The following STXBP5L variants were observed in gnomAD, a reference collection of about 807,000 sequenced individuals.
STXBP5L encodes the protein syntaxin binding protein 5L.
A neutral mutation model predicts 144.5 loss-of-function variants in STXBP5L; 65 were observed. The ratio of observed to expected loss-of-function variants is 0.45; its 90% CI spans 0.37 to 0.55. The LOEUF is 0.55. STXBP5L is among the 20% of genes least tolerant of loss of function. STXBP5L has a pLI of 0.00. For missense variants in STXBP5L, 1,298 were observed against 1,405.5 expected (o/e 0.92, Z 1.22); for synonymous variants, 505 against 469.6 (o/e 1.08, Z -0.97).
At chr3:121,140,938 TATA>T (rs1172096038) in intron 7 of STXBP5L, among the ~76,000 whole-genome samples, 3 of 152,210 alleles carry the variant, frequency 2.0e-5, no homozygotes, top group South Asian at 2.1e-4. Context: ...TGCTTTTAAC[TATA>T]ATAAGTTTAA....
chr3:121,266,215 T>C (rs1177459225), intron 18 of STXBP5L, among the ~76,000 whole-genome samples: 2 of 152,172 alleles, frequency 1.3e-5, no homozygotes, highest in Admixed American at 6.6e-5. Flanking sequence ...TGAACATCGA[T>C]GCGAAAATCC....
chr3:121,095,042 A>G (rs575423514), intron 5 of STXBP5L, among the ~76,000 whole-genome samples: 5 of 152,162 alleles, frequency 3.3e-5, no homozygotes, highest in Non-Finnish European at 5.9e-5. Flanking sequence ...AGCCTCACTT[A>G]TGAAGCTTAG....
chr3:120,958,909 A>G (rs1450544984), intron 3 of STXBP5L, among the ~76,000 whole-genome samples: 6 of 152,182 alleles, frequency 3.9e-5, no homozygotes, highest in South Asian at 2.1e-4. Context: ...GGCCAGGGCA[A>G]TTAGGCAGGA....
intron 22 of STXBP5L, among the ~76,000 whole-genome samples, chr3:121,382,939 G>C (rs1380784226): frequency 6.6e-6 from 1 of 152,084 alleles, no homozygotes; most frequent in South Asian, 2.1e-4. Flanking sequence ...TCTTCTCCAA[G>C]TCTCTATGTC....
intron 23 of STXBP5L, among the ~76,000 whole-genome samples, chr3:121,410,979 C>G (rs998345799): frequency 1.8e-4 from 28 of 152,018 alleles, no homozygotes; most frequent in African/African-American, 6.5e-4. Context: ...ACCTCTTCCT[C>G]AACTCCACCC....
At chr3:121,194,977 G>A (rs1242834501) in intron 9 of STXBP5L, among the ~76,000 whole-genome samples, 5 of 142,426 alleles carry the variant, frequency 3.5e-5, no homozygotes. Context: ...GTGCAGTGGC[G>A]AGATCTTGGC....
intron 5 of STXBP5L, among the ~76,000 whole-genome samples, chr3:121,051,468 A>G (rs1947988045): frequency 6.6e-6 from 1 of 152,238 alleles, no homozygotes; most frequent in African/African-American, 2.4e-5. Flanking sequence ...AAACTGAACA[A>G]CCTGCTCCTG....
chr3:121,087,971 A>T (rs779835820), intron 5 of STXBP5L, among the ~76,000 whole-genome samples: 8 of 152,152 alleles, frequency 5.3e-5, no homozygotes, highest in Non-Finnish European at 1.2e-4. Flanking sequence ...TCTCTCATTT[A>T]TAATAAATTT....
rs181199696 is a variant in STXBP5L at position 121,354,032 on chromosome 3, C to T, written c.2177-24684C>T. On this transcript the variant is annotated intron_variant, in intron 20 of 26. Transcript: ENST00000471454. ...AATCCTGAGTTCTAATTTGATTGCACTGTGGTCTGAGAGACAGTTTGTTGT... is the reference window on the plus strand; with the variant it reads ...AATCCTGAGTTCTAATTTGATTGCATTGTGGTCTGAGAGACAGTTTGTTGT... Among the ~76,000 whole-genome samples, 162 of 152,286 alleles carry T rather than the reference C, an allele frequency of 1.1e-3. 1 individual carries two copies. The highest frequency in any genetic ancestry group is 1.9e-3 in the Non-Finnish European group (131 of 68,024).
At chr3:121,331,424 G>A (rs2044318468) in intron 20 of STXBP5L, among the ~76,000 whole-genome samples, 2 of 152,162 alleles carry the variant, frequency 1.3e-5, no homozygotes, top group Admixed American at 1.3e-4. Flanking sequence ...TCCACAGAAG[G>A]AGCATCCTCC....
At chr3:121,347,430 T>G (rs1005143071) in intron 20 of STXBP5L, among the ~76,000 whole-genome samples, 1 of 150,472 alleles carries the variant, frequency 6.6e-6, no homozygotes, top group East Asian at 2.0e-4. Context: ...TGACTTGGAT[T>G]GACTTGTGGC....
intron 2 of STXBP5L, among the ~76,000 whole-genome samples, chr3:120,933,266 C>T (rs1045069467): frequency 1.3e-5 from 2 of 152,074 alleles, no homozygotes; most frequent in Non-Finnish European, 2.9e-5. Context: ...ATGAATTAGG[C>T]TGAGTGAGAT....
chr3:121,313,826 C>A (rs1453705762), intron 19 of STXBP5L, among the ~76,000 whole-genome samples: 3 of 144,320 alleles, frequency 2.1e-5, no homozygotes, highest in Non-Finnish European at 4.6e-5. Flanking sequence ...CGGAGGGGCT[C>A]CTCACTTCTC....
At chr3:121,328,817 C>CA (rs1364913838) in intron 20 of STXBP5L, among the ~76,000 whole-genome samples, 1 of 151,902 alleles carries the variant, frequency 6.6e-6, no homozygotes. Flanking sequence ...TGGAGAAAAG[C>CA]AAGAGTGTCT....
chr3:121,018,588 A>G (rs1482320300), intron 3 of STXBP5L, among the ~76,000 whole-genome samples: 1 of 151,994 alleles, frequency 6.6e-6, no homozygotes, highest in Non-Finnish European at 1.5e-5. Flanking sequence ...TCAACCCAAA[A>G]TGGATCATAG....
intron 8 of STXBP5L, among the ~76,000 whole-genome samples, chr3:121,156,633 G>T (rs922388900): frequency 6.6e-6 from 1 of 151,708 alleles, no homozygotes; most frequent in African/African-American, 2.4e-5. Context: ...AATAGCTTGG[G>T]AAAATGAAAT....
At chr3:121,209,047 C>T (rs2048451836) in intron 10 of STXBP5L, among the ~76,000 whole-genome samples, 1 of 152,190 alleles carries the variant, frequency 6.6e-6, no homozygotes, top group South Asian at 2.1e-4. Flanking sequence ...TGTTAGTTTG[C>T]TGAGAATGAT....
chr3:120,990,635 T>C (rs1942752199), intron 3 of STXBP5L, among the ~76,000 whole-genome samples: 2 of 151,678 alleles, frequency 1.3e-5, no homozygotes, highest in Admixed American at 1.3e-4. Flanking sequence ...AACAGAGATA[T>C]AGACCAATGG....
In STXBP5L at chr3:120,992,372, T is replaced by C. The variant is rs949758553; in HGVS notation, c.287+37335T>C. ...TTGTTTTTAATTATAATCACCCTACTCTGCTATTGAACATTAGACCTCATT... is the reference window on the plus strand; with the variant it reads ...TTGTTTTTAATTATAATCACCCTACCCTGCTATTGAACATTAGACCTCATT... On this transcript the variant is annotated intron_variant, in intron 3 of 26. Coordinates refer to ENST00000471454, the MANE Select transcript of STXBP5L (RefSeq NM_001308330.2). 1.1e-3 allele frequency among the ~76,000 whole-genome samples: 172 copies of C among 152,082 alleles called. 1 individual carries two copies. The highest frequency in any genetic ancestry group is 0.011 in the Admixed American group (172 of 15,240).
Sources: gnomAD v4.1 joint callset for allele counts (sites outside exome capture counted in the v4.1 genomes callset) on GRCh38, gnomAD v4.1.1 for gene constraint, MANE v1.5 for transcripts, NCBI Gene and HGNC (gene_info 2026-07-23, HGNC 2026-07-21) for gene names.